The following MPDZ variants were observed in gnomAD, a reference collection of about 807,000 sequenced individuals.
MPDZ encodes the protein multiple PDZ domain protein.
Under a neutral mutation model 239.1 loss-of-function variants are expected in MPDZ, and 234 were observed. The ratio of observed to expected loss-of-function variants is 0.98; its 90% CI spans 0.88 to 1.09. The LOEUF is 1.09. Among genes scored for constraint, MPDZ ranks in the 50% least tolerant of loss-of-function variants. MPDZ has a pLI of 0.00. For synonymous variants in MPDZ, 1,048 were observed against 881.3 expected (o/e 1.19, Z -3.35); for missense variants, 3,175 against 2,510.0 (o/e 1.26, Z -5.66).
At chr9:13,197,023 C>A (rs944542816) in intron 12 of MPDZ, among the ~76,000 whole-genome samples, 1 of 151,772 alleles carries the variant, frequency 6.6e-6, no homozygotes, top group Non-Finnish European at 1.5e-5. Flanking sequence ...TTAAAAAATT[C>A]AGATTTCTTA....
intron 10 of MPDZ, among the ~76,000 whole-genome samples, chr9:13,215,501 G>A (rs1000251456): frequency 1.3e-5 from 2 of 150,462 alleles, no homozygotes; most frequent in Admixed American, 6.7e-5. Context: ...CTTCCATGTC[G>A]TGGCGAGTGT....
chr9:13,215,660 T>C (rs1217179695), intron 10 of MPDZ, among the ~76,000 whole-genome samples: 1 of 150,542 alleles, frequency 6.6e-6, no homozygotes, highest in Admixed American at 6.7e-5. Context: ...TTTCAAAGAA[T>C]ATGAATATAT....
intron 24 of MPDZ, among the ~76,000 whole-genome samples, chr9:13,153,726 T>C (rs1286416758): frequency 2.0e-5 from 3 of 152,068 alleles, no homozygotes; most frequent in African/African-American, 7.2e-5. Context: ...ATTTTACATA[T>C]AGTAAGTTCA....
In MPDZ at chr9:13,150,532, T is replaced by C. The variant is rs10756457; in HGVS notation, c.3609A>G (p.Lys1203=). The C allele has an allele frequency of 0.34, 532,221 of 1,568,516 alleles. 95,194 individuals carry two copies. Among genetic ancestry groups the C allele is most frequent in the African/African-American group, 0.62 (45,347 of 72,882 alleles). Residue 1203 remains lysine, a synonymous_variant, in exon 25 of 47, where the codon AAA becomes AAG. Transcript: ENST00000319217. ...GTACCTCTACGATTCTATCTCCAGG[T>C]TTCAAGGTTCCATTTTTGCCAGCTG... is the stretch of plus-strand genomic sequence containing the variant. The part of the protein sequence containing the change: ...DSPAGKNGTL[K]PGDRIVEVDG...
At chr9:13,277,462 C>A (rs547839923) in intron 1 of MPDZ, among the ~76,000 whole-genome samples, 1 of 152,238 alleles carries the variant, frequency 6.6e-6, no homozygotes, top group Non-Finnish European at 1.5e-5. Context: ...CTAGTTTTGC[C>A]TACATTGCAC....
At chr9:13,123,119 G>T (rs777712681) in intron 36 of MPDZ, 34 bp downstream of exon 36, 1 of 1,578,890 alleles carries the variant, frequency 6.3e-7, no homozygotes. Flanking sequence ...GCTGAAGGAC[G>T]GCCTGTACAG....
At chr9:13,219,466 A>G (rs1958789473) in intron 8 of MPDZ, 93 bp downstream of exon 8, 4 of 1,086,012 alleles carry the variant, frequency 3.7e-6, no homozygotes, top group Non-Finnish European at 4.0e-6. Context: ...CTAATATAGG[A>G]ACATTAGTAA....
At chr9:13,223,791 G>C in intron 4 of MPDZ, 81 bp from the exon 5 acceptor site, 1 of 1,432,398 alleles carries the variant, frequency 7.0e-7, no homozygotes, top group South Asian at 1.5e-5. Context: ...CAGCACTTTG[G>C]GAGGCCAAGG....
At chr9:13,156,131 G>A (rs375919347) in intron 24 of MPDZ, among the ~76,000 whole-genome samples, 75 of 152,206 alleles carry the variant, frequency 4.9e-4, no homozygotes, top group African/African-American at 1.7e-3. Context: ...TATGTGCCAG[G>A]CACTCTGCTA....
intron 39 of MPDZ, among the ~76,000 whole-genome samples, chr9:13,117,446 G>C (rs992440705): frequency 6.6e-6 from 1 of 151,628 alleles, no homozygotes; most frequent in East Asian, 1.9e-4. Context: ...CAGGAGAATG[G>C]CGTGAACCCG....
At chr9:13,187,771 C>A (rs1587638114) in intron 17 of MPDZ, among the ~76,000 whole-genome samples, 1 of 5,120 alleles carries the variant, frequency 2.0e-4, no homozygotes, top group African/African-American at 5.0e-4. Context: ...AGACTTCAAA[C>A]TATATTCACG....
rs781746056 is a variant in MPDZ at position 13,125,318 on chromosome 9, C to G, written c.4705G>C (p.Ala1569Pro). The change falls in exon 35 of 47, where the codon GCT (alanine) becomes CCT (proline). Residue 1569 changes from alanine to proline, a missense_variant. By Grantham distance (27) the Ala-to-Pro change is conservative (BLOSUM62 -1). Transcript: ENST00000319217. ...TIHAENPDSQ[A>P]VPSAAGAASG... ...GCTGCACCAGCTGCTGAAGGAACAG[C>G]CTGGGAATCTGGATTCTCAGCATGG... 1.2e-6 allele frequency: 2 copies of G among 1,613,776 alleles called. No individual in the cohort carries two copies. Among genetic ancestry groups the G allele is most frequent in the South Asian group, 1.1e-5 (1 of 91,072 alleles).
chr9:13,182,111 A>T (rs1953418106), intron 19 of MPDZ, among the ~76,000 whole-genome samples: 1 of 152,158 alleles, frequency 6.6e-6, no homozygotes. Flanking sequence ...TAATCAGGAA[A>T]GGAGGAAAAC....
intron 22 of MPDZ, chr9:13,165,228 A>G: frequency 1.2e-6 from 1 of 838,608 alleles, no homozygotes; most frequent in Non-Finnish European, 1.8e-6. Flanking sequence ...ACTTAAACAA[A>G]GAAAACAATC....
At chr9:13,279,287 A>ACCCCCCCCCCCG (rs1564192482) in intron 1 of MPDZ, 113 bp downstream of exon 1, 4 of 38,520 alleles carry the variant, frequency 1.0e-4, no homozygotes, top group Non-Finnish European at 1.8e-4. Context: ...CCCCGCCCCC[A>ACCCCCCCCCCCG]CCCCCACCCC....
At chr9:13,221,047 G>C (rs991673108) in intron 7 of MPDZ, among the ~76,000 whole-genome samples, 1 of 151,758 alleles carries the variant, frequency 6.6e-6, no homozygotes, top group Non-Finnish European at 1.5e-5. Flanking sequence ...CAGCTGACTA[G>C]GTATATAAAT....
chr9:13,115,564 T>G (rs1162835287), intron 39 of MPDZ, among the ~76,000 whole-genome samples: 2 of 152,106 alleles, frequency 1.3e-5, no homozygotes, highest in African/African-American at 4.8e-5. Flanking sequence ...TATCACCTCA[T>G]GATTTCTATG....
At chr9:13,184,414 A>AT (rs1563980532) in intron 18 of MPDZ, among the ~76,000 whole-genome samples, 22 of 151,830 alleles carry the variant, frequency 1.4e-4, no homozygotes, top group African/African-American at 5.3e-4. Context: ...CATATGTTCT[A>AT]ATTTTTTTTT....
chr9:13,258,179 T>C (rs1009035459), intron 1 of MPDZ, among the ~76,000 whole-genome samples: 3 of 152,340 alleles, frequency 2.0e-5, no homozygotes, highest in East Asian at 3.9e-4. Context: ...CAAGTTGTAA[T>C]GGTAACATGT....
Sources: gnomAD v4.1 joint callset for allele counts (sites outside exome capture counted in the v4.1 genomes callset) on GRCh38, gnomAD v4.1.1 for gene constraint, MANE v1.5 for transcripts, NCBI Gene and HGNC (gene_info 2026-07-23, HGNC 2026-07-21) for gene names.